The following CCT6A variants were observed in gnomAD, a reference collection of about 807,000 sequenced individuals.
The protein encoded by CCT6A is T-complex protein 1 subunit zeta.
A neutral mutation model predicts 58.6 loss-of-function variants in CCT6A; 6 were observed. The observed-to-expected ratio is 0.10, with a 90% CI of 0.06 to 0.20. CCT6A has a LOEUF of 0.20. CCT6A is among the 10% of genes least tolerant of loss of function. CCT6A has a pLI of 1.00. For missense variants in CCT6A, 516 were observed against 648.8 expected (o/e 0.80, Z 2.22); for synonymous variants, 245 against 227.8 (o/e 1.08, Z -0.68).
At chr7:56,059,667 A>C in intron 9 of CCT6A, 27 bp downstream of exon 9, 3 of 1,092,028 alleles carry the variant, frequency 2.7e-6, no homozygotes, top group African/African-American at 1.5e-5. Flanking sequence ...CTTAAAGGTA[A>C]TAGAACCTTT....
At chr7:56,057,409 G>A (rs1321314917) in intron 5 of CCT6A, among the ~76,000 whole-genome samples, 1 of 151,826 alleles carries the variant, frequency 6.6e-6, no homozygotes, top group Admixed American at 6.6e-5. Flanking sequence ...TCCCTATGTT[G>A]CCCAGGCTGG....
intron 11 of CCT6A, 49 bp from the exon 12 acceptor site, chr7:56,061,694 TACTA>T (rs2117349781): frequency 7.3e-6 from 3 of 409,612 alleles, no homozygotes; most frequent in Non-Finnish European, 8.8e-6. Flanking sequence ...TTTTTTTTTT[TACTA>T]TCAGTTATTA....
chr7:56,058,450 A>G lies in CCT6A; in HGVS notation c.814A>G (p.Lys272Glu). Residue 272 changes from lysine (K) to glutamate (E), a missense_variant, in exon 7 of 14, where the codon AAA becomes GAA. By Grantham distance (56) the Lys-to-Glu change is moderately conservative (BLOSUM62 1). This residue lies in a region of CCT6A where 315 missense variants were observed against 389.4 expected (regional missense o/e 0.81). Transcript: ENST00000275603. ...AAGAAAATTCATTGAAGATAGGGTT[A>G]AAAAAATAATAGAACTGAAAAGGAA... ...AERKFIEDRV[K>E]KIIELKRKVC... 2 of 1,603,002 alleles carry G rather than the reference A, an allele frequency of 1.2e-6. No individual in the cohort carries two copies. The highest frequency in any genetic ancestry group is 1.7e-6 in the Non-Finnish European group (2 of 1,174,712).
Position 56,060,945 on chromosome 7 carries a change from G to A in CCT6A, c.1347+5G>A. 1 of 1,600,976 alleles carries A rather than the reference G, an allele frequency of 6.2e-7. No individual in the cohort carries two copies. The highest frequency in any genetic ancestry group is 8.5e-7 in the Non-Finnish European group (1 of 1,175,808). On this transcript the variant is annotated splice_donor_5th_base_variant and intron_variant, in intron 11 of 13. Coordinates refer to ENST00000275603, the MANE Select transcript of CCT6A (RefSeq NM_001762.4). ...GCATTGCTCATTATTCCCAAGGTGT[G>A]CATGCTTTTAACAGTCAATCTTCCA...
rs773085914 is a variant in CCT6A, at chr7:56,051,817, G to T, written c.-32G>T. ...ACGCCGCGCCGGCTCTGGGCACTCA[G>T]CATCGTTTCCTTTTCCTCCGCTGGA... On this transcript the variant is annotated 5_prime_UTR_variant, in exon 1 of 14. Transcript: ENST00000275603. 1 of 1,547,660 alleles carries T rather than the reference G, an allele frequency of 6.5e-7. No homozygotes were observed. Among genetic ancestry groups the T allele is most frequent in the Non-Finnish European group, 8.7e-7 (1 of 1,146,414 alleles).
chr7:56,062,665 GAT>G lies in CCT6A; in HGVS notation c.1451-17_1451-16del. Reference sequence around the variant, plus strand: ...TTCTTACTGACTGAACTTATTTTAAGATTTGGTTGCCTTTTAGGTGAGCCAAT... The same window carrying G: ...TTCTTACTGACTGAACTTATTTTAAGTTGGTTGCCTTTTAGGTGAGCCAAT... On this transcript the variant is annotated splice_polypyrimidine_tract_variant and intron_variant, in intron 12 of 13. Transcript: ENST00000275603. 6.2e-7 allele frequency: 1 copy of G among 1,609,706 alleles called. No individual in the cohort carries two copies. The highest frequency in any genetic ancestry group is 1.7e-5 in the Admixed American group (1 of 60,004).
chr7:56,060,380 G>A lies in CCT6A; in HGVS notation c.1177G>A (p.Asp393Asn), dbSNP rs1296105975. The A allele has an allele frequency of 6.2e-7, 1 of 1,614,086 alleles. No homozygotes were observed. Among genetic ancestry groups the A allele is most frequent in the Admixed American group, 1.7e-5 (1 of 60,008 alleles). The change falls in exon 10 of 14, where the codon GAC becomes AAC. Residue 393 changes from aspartate (D) to asparagine (N), a missense_variant. Coordinates refer to ENST00000275603, the MANE Select transcript of CCT6A (RefSeq NM_001762.4). ...TLTQIKDAVR[D>N]GLRAVKNAID... ...CACTCAGATCAAAGATGCAGTGAGG[G>A]ACGGCTTGAGGGCTGTCAAAAATGC...
intron 3 of CCT6A, among the ~76,000 whole-genome samples, chr7:56,055,049 G>A (rs1225323598): frequency 2.0e-5 from 3 of 152,138 alleles, no homozygotes; most frequent in African/African-American, 2.4e-5. Flanking sequence ...CGAGGTGGGC[G>A]GATCACCTGA....
chr7:56,056,767 T>G (rs983403497), intron 5 of CCT6A, among the ~76,000 whole-genome samples: 1 of 150,372 alleles, frequency 6.7e-6, no homozygotes, highest in Non-Finnish European at 1.5e-5. Context: ...GTTTAGAAAT[T>G]TAGGGGTGCT....
intron 2 of CCT6A, among the ~76,000 whole-genome samples, chr7:56,053,085 C>T (rs1357740653): frequency 6.6e-6 from 1 of 152,172 alleles, no homozygotes. Context: ...CCGTGCCCAG[C>T]TGGGTTTTCT....
At chr7:56,061,601 C>T in intron 11 of CCT6A, 146 bp from the exon 12 acceptor site, 3 of 478,206 alleles carry the variant, frequency 6.3e-6, no homozygotes, top group South Asian at 5.0e-5. Context: ...CCTTCCACGG[C>T]CTCCCAAAGT....
At chr7:56,055,892 A>C (rs1794294490) in intron 4 of CCT6A, 95 bp downstream of exon 4, 7 of 927,946 alleles carry the variant, frequency 7.5e-6, no homozygotes, top group Non-Finnish European at 1.2e-5. Context: ...TTTCAATTAC[A>C]AGGTGCTGTG....
At chr7:56,057,441 G>A (rs890636471) in intron 5 of CCT6A, among the ~76,000 whole-genome samples, 1 of 151,888 alleles carries the variant, frequency 6.6e-6, no homozygotes, top group Admixed American at 6.6e-5. Flanking sequence ...TGGGATTAAG[G>A]TGTCCTCTCA....
Position 56,051,827 on chromosome 7 carries a change from C to G in CCT6A, c.-22C>G, listed in dbSNP as rs1192144314. ...GGCTCTGGGCACTCAGCATCGTTTC[C>G]TTTTCCTCCGCTGGAGCAGCTATGG... On this transcript the variant is annotated 5_prime_UTR_variant, in exon 1 of 14. Transcript: ENST00000275603. The G allele has an allele frequency of 2.6e-6, 4 of 1,550,934 alleles. No individual in the cohort carries two copies. The South Asian group carries it at 3.6e-5, about 14-fold the overall frequency.
At chr7:56,057,376 G>A (rs1160787845) in intron 5 of CCT6A, among the ~76,000 whole-genome samples, 2 of 151,978 alleles carry the variant, frequency 1.3e-5, no homozygotes, top group African/African-American at 2.4e-5. Context: ...GTGTGTGTGT[G>A]TGTCTGTGTG....
At position 56,058,094 on chromosome 7, in the gene CCT6A, A is replaced by G; in HGVS notation, c.716A>G (p.Tyr239Cys). Residue 239 changes from tyrosine to cysteine, a missense_variant, in exon 6 of 14, where the codon TAT becomes TGT. By Grantham distance (194) the Tyr-to-Cys change is radical (BLOSUM62 -2). Transcript: ENST00000275603. The stretch of plus-strand genomic sequence containing the variant: ...CTCACTTGTAACGTGTCATTAGAGT[A>G]TGAGAAAACGTAAGTTTATAGCCCC... Reference protein sequence around the residue: ...YILTCNVSLEYEKTEVNSGFF... With the variant: ...YILTCNVSLECEKTEVNSGFF... 1 of 1,571,852 alleles carries G rather than the reference A, an allele frequency of 6.4e-7. No individual in the cohort carries two copies. Among genetic ancestry groups the G allele is most frequent in the Non-Finnish European group, 8.8e-7 (1 of 1,141,824 alleles).
At chr7:56,059,671 A>T in intron 9 of CCT6A, 31 bp downstream of exon 9, 2 of 1,042,888 alleles carry the variant, frequency 1.9e-6, no homozygotes, top group Non-Finnish European at 3.0e-6. Context: ...AAGGTAATAG[A>T]ACCTTTTAGC....
intron 5 of CCT6A, 152 bp from the exon 6 acceptor site, chr7:56,057,841 A>C: frequency 1.7e-6 from 1 of 592,384 alleles, no homozygotes; most frequent in Non-Finnish European, 3.1e-6. Flanking sequence ...AGATGGCACC[A>C]CTACACTCCA....
chr7:56,056,407 G>A lies in CCT6A; in HGVS notation c.607G>A (p.Asp203Asn). Residue 203 changes from aspartate to asparagine, a missense_variant, in exon 5 of 14, where the codon GAT becomes AAT. Asp to Asn is a conservative substitution (Grantham distance 23). This residue lies in a region of CCT6A where 85 missense variants were observed against 74.9 expected (regional missense o/e 1.13). Transcript: ENST00000275603. ...GGAGATGAAACATAAATCTGAAACT[G>A]ATACAAGGTAGGTGGTAGAAGACTG... Reference protein sequence around the residue: ...IMEMKHKSETDTSLIRGLVLD... With the variant: ...IMEMKHKSETNTSLIRGLVLD... The A allele has an allele frequency of 6.9e-7, 1 of 1,456,550 alleles. No individual in the cohort carries two copies. Among genetic ancestry groups the A allele is most frequent in the Middle Eastern group, 1.9e-4 (1 of 5,394 alleles). 90.2% of individuals were successfully genotyped at this position (1,456,550 alleles called of 1,614,324 possible). A position where few individuals can be genotyped will look rare whatever the true frequency, so the allele number is the denominator to read the frequency against.
Sources: gnomAD v4.1 joint callset for allele counts (sites outside exome capture counted in the v4.1 genomes callset) on GRCh38, gnomAD v4.1.1 for gene constraint, gnomAD v4.1.1 regional missense constraint, MANE v1.5 for transcripts, NCBI Gene and HGNC (gene_info 2026-07-23, HGNC 2026-07-21) for gene names.